PCDHGA4: variants seen among roughly 807,000 people sequenced by gnomAD.
PCDHGA4 encodes protocadherin gamma subfamily A, 4, also known as protocadherin gamma-A4.
In PCDHGA4, 38 loss-of-function variants were observed where a neutral mutation model predicts 54.6. The observed-to-expected ratio is 0.70, with a 90% confidence interval of 0.54 to 0.91. The LOEUF (loss-of-function observed/expected upper bound fraction) is 0.91, where lower values mean the gene tolerates loss of function less well. PCDHGA4 is among the 40% of genes least tolerant of loss of function. PCDHGA4 has a pLI of 0.00. For missense variants in PCDHGA4, 1,298 were observed against 1,220.9 expected (o/e 1.06, Z -0.94); for synonymous variants, 511 against 512.9 (o/e 1.00, Z 0.05).
In PCDHGA4 at chr5:141,432,218, A is replaced by T. The variant is rs570925415; in HGVS notation, c.2515-62589A>T. On this transcript the variant is annotated intron_variant, in intron 1 of 3. Transcript: ENST00000571252. This position sits in a 1 kb window ranked among gnomAD's most constrained non-coding sequence, Gnocchi z 6.0. Reference sequence around the variant, plus strand: ...CCCCGACTGTGAAGAGAACGCCCAGATCACTTATTCCCTGGCTGAGAACAC... The same window carrying T: ...CCCCGACTGTGAAGAGAACGCCCAGTTCACTTATTCCCTGGCTGAGAACAC... The T allele has an allele frequency of 6.2e-7, 1 of 1,614,148 alleles. No homozygotes were observed. The highest frequency in any genetic ancestry group is 1.3e-5 in the African/African-American group (1 of 75,030).
rs377387694 is a variant in PCDHGA4 at position 141,366,375 on chromosome 5, T to C, written c.2514+8754T>C. 67 of 1,614,096 alleles carry C rather than the reference T, an allele frequency of 4.2e-5. No individual in the cohort carries two copies. Among genetic ancestry groups the C allele is most frequent in the East Asian group, 1.8e-4 (8 of 44,892 alleles). ...GACCTAGGCAGTATCAAGACCCCCA[T>C]TGACCCTGAGGATCTGGACCTCACA... On this transcript the variant is annotated intron_variant, in intron 1 of 3. Transcript: ENST00000571252.
chr5:141,385,241 G>A lies in PCDHGA4; in HGVS notation c.2514+27620G>A, dbSNP rs749708848. ...CCCAACTATGTAGACATGCTCATCA[G>A]CCAGGAGAGCTGTGAGAAAAATGAT... On this transcript the variant is annotated intron_variant, in intron 1 of 3. Transcript: ENST00000571252. 9 of 1,613,904 alleles carry A rather than the reference G, an allele frequency of 5.6e-6. No homozygotes were observed. The Admixed American group carries it at 1.5e-4, about 27-fold the overall frequency.
chr5:141,396,570 C>T (rs996384369), intron 1 of PCDHGA4: 5 of 150,662 alleles, frequency 3.3e-5, no homozygotes, highest in African/African-American at 1.2e-4. Flanking sequence ...CAGTGAGCCT[C>T]GATCCTGTCA....
At chr5:141,383,544 T>A (rs1273578608) in intron 1 of PCDHGA4, 21 of 1,612,498 alleles carry the variant, frequency 1.3e-5, no homozygotes, top group Non-Finnish European at 1.8e-5. Context: ...TCACAGCCTC[T>A]GATGGCGGCG....
At chr5:141,414,015 A>C in intron 1 of PCDHGA4, 1 of 1,613,160 alleles carries the variant, frequency 6.2e-7, no homozygotes, top group South Asian at 1.1e-5. Context: ...CCAATGGAGA[A>C]GTGACATATT....
chr5:141,399,708 A>G lies in PCDHGA4; in HGVS notation c.2514+42087A>G, dbSNP rs769072460. On this transcript the variant is annotated intron_variant, in intron 1 of 3. Transcript: ENST00000571252. ...AGCAGCTGCGCACCTTCGAACTCAC[A>G]CTACAGGCCCGCGACCAGGGCTCGC... 5.6e-6 allele frequency: 9 copies of G among 1,613,256 alleles called. No homozygotes were observed. In the African/African-American group the frequency reaches 8.0e-5, roughly 14 times the overall value.
chr5:141,415,107 A>C (rs372656276), intron 1 of PCDHGA4: 12 of 1,613,634 alleles, frequency 7.4e-6, no homozygotes, highest in East Asian at 2.2e-5. Context: ...CGCTCAAGCA[A>C]AGCCTCGTAG....
chr5:141,364,437 C>T (rs1489838873), intron 1 of PCDHGA4: 16 of 1,613,832 alleles, frequency 9.9e-6, no homozygotes, highest in Middle Eastern at 3.3e-4. Context: ...TACTCGATGC[C>T]GGAGGAGCTG....
At position 141,375,341 on chromosome 5, in the gene PCDHGA4, A is replaced by C. The variant is rs1378038175; in HGVS notation, c.2514+17720A>C. ...CCGGGAAGAGGTATTCTTGTACAAC[A>C]TCACTGTGACAGCCACGGACAAAGG... On this transcript the variant is annotated intron_variant, in intron 1 of 3. Transcript: ENST00000571252. 4.3e-6 allele frequency: 7 copies of C among 1,613,856 alleles called. No individual in the cohort carries two copies. Among genetic ancestry groups the C allele is most frequent in the South Asian group, 2.2e-5 (2 of 91,080 alleles).
At position 141,394,998 on chromosome 5, in the gene PCDHGA4, G is replaced by T. The variant is rs774774010; in HGVS notation, c.2514+37377G>T. On this transcript the variant is annotated intron_variant, in intron 1 of 3. Transcript: ENST00000571252. ...CAAGTCACGCCTGCTCCAGGATTCC[G>T]GTGGCAGATTGGTAGGCGTGCCTGC... The T allele has an allele frequency of 2.7e-5, 44 of 1,613,892 alleles. No homozygotes were observed. Among genetic ancestry groups the T allele is most frequent in the Non-Finnish European group, 3.1e-5 (36 of 1,179,930 alleles).
In PCDHGA4 at chr5:141,356,327, C is replaced by G. The variant is rs1446078924; in HGVS notation, c.1220C>G (p.Ser407Ter). The change falls in exon 1 of 4, where the codon TCA becomes TGA. Residue 407 changes from serine to a stop codon, truncating the protein, a stop_gained. Transcript: ENST00000571252. LOFTEE classifies it high-confidence loss of function. The part of the protein sequence containing the change: ...IALFNVHDSD[S>*]GGNGLVTCSI... ...CTTTTCAACGTGCATGACAGTGACT[C>G]AGGAGGAAATGGCCTAGTCACATGT... 10 of 1,554,192 alleles carry G rather than the reference C, an allele frequency of 6.4e-6. No homozygotes were observed. Among genetic ancestry groups the G allele is most frequent in the African/African-American group, 1.4e-5 (1 of 73,106 alleles).
chr5:141,376,169 G>C (rs779538880), intron 1 of PCDHGA4: 1 of 1,614,106 alleles, frequency 6.2e-7, no homozygotes, highest in South Asian at 1.1e-5. Flanking sequence ...CCTGGTGGTG[G>C]CGGTGGCCGC....
rs1759714741 is a variant in PCDHGA4, at chr5:141,355,099, TG to T, written c.-7del. On this transcript the variant is annotated 5_prime_UTR_variant, in exon 1 of 4. Coordinates refer to ENST00000571252, the MANE Select transcript of PCDHGA4 (RefSeq NM_018917.4). ...CTTCAAGCGGAAGCCCTGAGAGCTC[TG>T]GCTGTGAATGCACTTTATTTTGGAC... 41 of 1,497,568 alleles carry T rather than the reference TG, an allele frequency of 2.7e-5. No individual in the cohort carries two copies. In the South Asian group the frequency reaches 5.5e-4, roughly 20 times the overall value. The allele number at this position is 1,497,568 out of a possible 1,614,324, so 92.8% of individuals were successfully genotyped here. A position where few individuals can be genotyped will look rare whatever the true frequency, so the allele number is the denominator to read the frequency against.
At position 141,356,760 on chromosome 5, in the gene PCDHGA4, C is replaced by A. The variant is rs1173704471; in HGVS notation, c.1653C>A (p.Phe551Leu). The A allele has an allele frequency of 6.2e-7, 1 of 1,613,850 alleles. No individual in the cohort carries two copies. Among genetic ancestry groups the A allele is most frequent in the South Asian group, 1.1e-5 (1 of 91,078 alleles). ...NTGILYALCSFDYEQFRDLQL... is the reference protein window; with the variant it reads ...NTGILYALCSLDYEQFRDLQL... The stretch of plus-strand genomic sequence containing the variant: ...GGATCCTATATGCTCTTTGCTCCTT[C>A]GACTATGAGCAGTTTAGAGACCTGC... The change falls in exon 1 of 4, where the codon TTC (phenylalanine) becomes TTA (leucine). Residue 551 changes from phenylalanine to leucine, a missense_variant. By Grantham distance (22) the Phe-to-Leu change is conservative (BLOSUM62 0). Coordinates refer to ENST00000571252, the MANE Select transcript of PCDHGA4 (RefSeq NM_018917.4).
chr5:141,413,984 C>T (rs898207454), intron 1 of PCDHGA4: 2 of 1,613,300 alleles, frequency 1.2e-6, no homozygotes, highest in African/African-American at 2.7e-5. Flanking sequence ...ACAGTCACAG[C>T]CACCGACAGG....
At chr5:141,376,753 C>A in intron 1 of PCDHGA4, 1 of 450,078 alleles carries the variant, frequency 2.2e-6, no homozygotes, top group South Asian at 2.7e-5. Flanking sequence ...GTGGCGCAAT[C>A]TCGGCTCACT....
Position 141,420,101 on chromosome 5 carries a change from T to A in PCDHGA4, c.2514+62480T>A. 5 of 1,614,046 alleles carry A rather than the reference T, an allele frequency of 3.1e-6. No homozygotes were observed. Among genetic ancestry groups the A allele is most frequent in the Non-Finnish European group, 4.2e-6 (5 of 1,179,870 alleles). ...TCCCCCCAACTACAGTGAGGGAACGTTGCCCTATGCCTATAATTTTTGTGT... is the reference window on the plus strand; with the variant it reads ...TCCCCCCAACTACAGTGAGGGAACGATGCCCTATGCCTATAATTTTTGTGT... On this transcript the variant is annotated intron_variant, in intron 1 of 3. Transcript: ENST00000571252.
At chr5:141,388,920 A>G in intron 1 of PCDHGA4, 2 of 1,613,996 alleles carry the variant, frequency 1.2e-6, no homozygotes, top group Non-Finnish European at 1.7e-6. Flanking sequence ...CCCAGAAGTG[A>G]TATTCCAGTC....
chr5:141,499,689 CTTTTTTTTT>C (rs545067566), intron 2 of PCDHGA4, among the ~76,000 whole-genome samples: 2 of 119,856 alleles, frequency 1.7e-5, no homozygotes, highest in African/African-American at 6.2e-5. Flanking sequence ...TAACAGATGA[CTTTTTTTTT>C]TTTTTTTTTT....
Sources: allele counts gnomAD v4.1 joint callset (sites outside exome capture counted in the v4.1 genomes callset), GRCh38; gene constraint gnomAD v4.1.1; non-coding constraint Gnocchi (gnomAD v3.1); transcripts MANE v1.5; gene names NCBI Gene and HGNC (gene_info 2026-07-23, HGNC 2026-07-21).